The following SPATA6L variants were observed in gnomAD, a reference collection of about 807,000 sequenced individuals.
SPATA6L encodes the protein spermatogenesis associated 6 like, also known as spermatogenesis associated 6-like protein.
A neutral mutation model predicts 49.2 loss-of-function variants in SPATA6L; 68 were observed. The observed-to-expected ratio is 1.38, with a 90% CI of 1.14 to 1.69. SPATA6L has a LOEUF of 1.69. Ranked by LOEUF, SPATA6L falls within the 40% of genes most tolerant of loss-of-function variation. The pLI is 0.00. For synonymous variants in SPATA6L, 198 were observed against 165.7 expected (o/e 1.19, Z -1.50); for missense variants, 668 against 464.3 (o/e 1.44, Z -4.03).
At chr9:4,651,890 T>A (rs1288381502) in intron 3 of SPATA6L, among the ~76,000 whole-genome samples, 1 of 152,100 alleles carries the variant, frequency 6.6e-6, no homozygotes, top group Non-Finnish European at 1.5e-5. Flanking sequence ...TATCAGGAAA[T>A]AGATAAGGAT....
intron 11 of SPATA6L, among the ~76,000 whole-genome samples, chr9:4,601,991 C>A (rs1192801442): frequency 1.3e-5 from 2 of 152,146 alleles, no homozygotes; most frequent in Non-Finnish European, 1.5e-5. Flanking sequence ...CCTCCAGGAT[C>A]CCAGCCTCTC....
chr9:4,611,211 T>G (rs1254943563), intron 9 of SPATA6L, among the ~76,000 whole-genome samples: 1 of 145,742 alleles, frequency 6.9e-6, no homozygotes. Flanking sequence ...GACTGTAAAC[T>G]AGTTCAACCA....
chr9:4,609,962 A>C (rs1262459459), intron 9 of SPATA6L, among the ~76,000 whole-genome samples: 2 of 152,050 alleles, frequency 1.3e-5, no homozygotes, highest in Admixed American at 1.3e-4. Flanking sequence ...AGGATACAAA[A>C]TCAATGTACA....
At chr9:4,659,310 A>G (rs575190803) in intron 2 of SPATA6L, among the ~76,000 whole-genome samples, 1 of 152,356 alleles carries the variant, frequency 6.6e-6, no homozygotes, top group South Asian at 2.1e-4. Context: ...CCAGACCTTT[A>G]AAAGTGACAT....
At chr9:4,640,727 G>C (rs1327895520) in intron 3 of SPATA6L, among the ~76,000 whole-genome samples, 1 of 151,936 alleles carries the variant, frequency 6.6e-6, no homozygotes, top group East Asian at 1.9e-4. Flanking sequence ...ACAAATTAAT[G>C]GATCAAACTG....
chr9:4,626,509 C>A, intron 5 of SPATA6L: 1 of 1,304,342 alleles, frequency 7.7e-7, no homozygotes, highest in African/African-American at 1.5e-5. Context: ...CTTCTTTAAG[C>A]TTCTGTGTTC....
rs143863808 is a variant in SPATA6L at position 4,646,929 on chromosome 9, G to A, written c.226+9112C>T. On this transcript the variant is annotated intron_variant, in intron 3 of 11. Coordinates refer to ENST00000682582, the MANE Select transcript of SPATA6L (RefSeq NM_001353486.2). The stretch of plus-strand genomic sequence containing the variant: ...ACTGGGGCCTACTTGAGGGTGAAGG[G>A]TGGGAGAAGAGAGAGGATCAGAAAA... Among the ~76,000 whole-genome samples, 9 of 152,214 alleles carry A rather than the reference G, an allele frequency of 5.9e-5. No individual in the cohort carries two copies. The East Asian group carries it at 1.7e-3, about 29-fold the overall frequency.
At chr9:4,622,290 T>C in intron 7 of SPATA6L, 118 bp downstream of exon 7, 1 of 669,456 alleles carries the variant, frequency 1.5e-6, no homozygotes, top group South Asian at 1.9e-5. Context: ...TGGAGAGTAC[T>C]TGAGAATTAG....
intron 5 of SPATA6L, chr9:4,626,823 A>G (rs1383184690): frequency 1.4e-5 from 3 of 216,178 alleles, no homozygotes; most frequent in Non-Finnish European, 2.9e-5. Context: ...GCACAAGAGT[A>G]CCTGAGGACA....
chr9:4,650,731 T>C (rs1331026686), intron 3 of SPATA6L, among the ~76,000 whole-genome samples: 2 of 152,026 alleles, frequency 1.3e-5, no homozygotes, highest in South Asian at 2.1e-4. Flanking sequence ...ACAATCTCAG[T>C]TCACTGCCAC....
chr9:4,650,945 G>T (rs1836706830), intron 3 of SPATA6L, among the ~76,000 whole-genome samples: 1 of 151,832 alleles, frequency 6.6e-6, no homozygotes, highest in African/African-American at 2.4e-5. Context: ...CAAGTGATCT[G>T]CTCGCCTTGG....
chr9:4,648,465 C>T (rs1223232714), intron 3 of SPATA6L, among the ~76,000 whole-genome samples: 5 of 151,916 alleles, frequency 3.3e-5, no homozygotes, highest in South Asian at 4.1e-4. Context: ...TTTGGGAGGC[C>T]GAGGCGGGCG....
In SPATA6L at chr9:4,599,912, GC is replaced by G. The variant is rs1181671379; in HGVS notation, c.*898del. ...GAGGGAAATAAGTTTCCATTTTCAGGCCCCTCTTCTCTGGGTCTGTATCAAT... is the reference window on the plus strand; with the variant it reads ...GAGGGAAATAAGTTTCCATTTTCAGGCCCTCTTCTCTGGGTCTGTATCAAT... On this transcript the variant is annotated 3_prime_UTR_variant, in exon 12 of 12. Transcript: ENST00000682582. 6.6e-6 allele frequency among the ~76,000 whole-genome samples: 1 copy of G among 152,102 alleles called. No homozygotes were observed. The highest frequency in any genetic ancestry group is 1.5e-5 in the Non-Finnish European group (1 of 68,016).
intron 2 of SPATA6L, among the ~76,000 whole-genome samples, chr9:4,656,915 C>T (rs1007985821): frequency 1.3e-5 from 2 of 150,496 alleles, no homozygotes; most frequent in Non-Finnish European, 2.9e-5. Flanking sequence ...TAACACAAAA[C>T]AAAAGCTAAG....
At chr9:4,608,532 C>T (rs1253678424) in intron 9 of SPATA6L, among the ~76,000 whole-genome samples, 70 of 122,460 alleles carry the variant, frequency 5.7e-4, no homozygotes, top group Non-Finnish European at 9.4e-4. Context: ...GAACAACCTG[C>T]TCCTGAATGA....
Position 4,666,417 on chromosome 9 carries a change from C to T in SPATA6L, c.-167G>A, listed in dbSNP as rs1840875794. Reference sequence around the variant, plus strand: ...TCCCCCCCAGCCCAGGTCCCTCCCACCGGGACGGGTCTCTCACACTCGAAG... The same window carrying T: ...TCCCCCCCAGCCCAGGTCCCTCCCATCGGGACGGGTCTCTCACACTCGAAG... On this transcript the variant is annotated 5_prime_UTR_variant, in exon 1 of 12. It adds an upstream start codon to the 5' untranslated region. Coordinates refer to ENST00000682582, the MANE Select transcript of SPATA6L (RefSeq NM_001353486.2). The T allele has an allele frequency of 1.4e-6, 1 of 694,382 alleles. No homozygotes were observed. The allele number at this position is 694,382 out of a possible 1,614,324, so 43.0% of individuals were successfully genotyped here.
At chr9:4,610,076 A>T (rs1826300325) in intron 9 of SPATA6L, among the ~76,000 whole-genome samples, 1 of 152,168 alleles carries the variant, frequency 6.6e-6, no homozygotes, top group African/African-American at 2.4e-5. Flanking sequence ...ATACCTAGGA[A>T]TCCAACTTAC....
chr9:4,614,550 T>C (rs1179163860), intron 9 of SPATA6L, among the ~76,000 whole-genome samples: 1 of 152,224 alleles, frequency 6.6e-6, no homozygotes, highest in Admixed American at 6.5e-5. Context: ...ACGGGCAATG[T>C]GTTCTGCAAG....
intron 2 of SPATA6L, among the ~76,000 whole-genome samples, chr9:4,660,149 G>C (rs1267080455): frequency 6.6e-6 from 1 of 152,144 alleles, no homozygotes; most frequent in Non-Finnish European, 1.5e-5. Flanking sequence ...AACACCAAAA[G>C]CAATGGCAAC....
Sources: allele counts gnomAD v4.1 joint callset (sites outside exome capture counted in the v4.1 genomes callset), GRCh38; gene constraint gnomAD v4.1.1; transcripts MANE v1.5; gene names NCBI Gene and HGNC (gene_info 2026-07-23, HGNC 2026-07-21).